The following PLXNA4 variants were observed in gnomAD, a reference collection of about 807,000 sequenced individuals.
PLXNA4 encodes the protein plexin-A4.
A neutral mutation model predicts 191.8 loss-of-function variants in PLXNA4; 44 were observed. The ratio of observed to expected loss-of-function variants is 0.23; its 90% CI spans 0.18 to 0.29. The LOEUF (loss-of-function observed/expected upper bound fraction) is 0.29. Among genes scored for constraint, PLXNA4 ranks in the 10% least tolerant of loss-of-function variants. The pLI, the probability that PLXNA4 is intolerant of heterozygous loss-of-function variation, is 1.00. For synonymous variants in PLXNA4, 1,082 were observed against 1,009.5 expected (o/e 1.07, Z -1.36); for missense variants, 1,800 against 2,488.8 (o/e 0.72, Z 5.89).
intron 2 of PLXNA4, among the ~76,000 whole-genome samples, chr7:132,495,418 T>G (rs929204832): frequency 6.6e-6 from 1 of 152,150 alleles, no homozygotes; most frequent in Non-Finnish European, 1.5e-5. Flanking sequence ...ATCCACTGTT[T>G]ACAAACATCC....
At chr7:132,572,762 G>A (rs531609232) in intron 1 of PLXNA4, among the ~76,000 whole-genome samples, 1 of 152,306 alleles carries the variant, frequency 6.6e-6, no homozygotes, top group Non-Finnish European at 1.5e-5. Context: ...GCAGCTAGAG[G>A]GGATCAGGTG....
intron 2 of PLXNA4, among the ~76,000 whole-genome samples, chr7:132,642,669 T>C (rs1803766569): frequency 6.6e-6 from 1 of 152,054 alleles, no homozygotes; most frequent in African/African-American, 2.4e-5. Context: ...CATCCCAGAG[T>C]GCAAGAAGGT....
intron 21 of PLXNA4, among the ~76,000 whole-genome samples, chr7:132,171,279 G>A (rs1163569891): frequency 3.9e-5 from 6 of 152,248 alleles, no homozygotes; most frequent in Non-Finnish European, 8.8e-5. Context: ...TTGCAAAACT[G>A]AGTTAACAAT....
intron 3 of PLXNA4, among the ~76,000 whole-genome samples, chr7:132,486,691 A>G (rs1797572518): frequency 6.6e-6 from 1 of 152,204 alleles, no homozygotes; most frequent in Non-Finnish European, 1.5e-5. Context: ...TGGAAATTAG[A>G]TAGAATATCC....
At chr7:132,246,403 T>A (rs1415700722) in intron 4 of PLXNA4, among the ~76,000 whole-genome samples, 1 of 152,232 alleles carries the variant, frequency 6.6e-6, no homozygotes, top group African/African-American at 2.4e-5. Flanking sequence ...GTTTCCTGAT[T>A]TGGAAAAATA....
intron 24 of PLXNA4, among the ~76,000 whole-genome samples, chr7:132,162,472 A>G (rs1021591851): frequency 6.6e-6 from 1 of 152,128 alleles, no homozygotes; most frequent in African/African-American, 2.4e-5. Context: ...AGGATGTTGC[A>G]ATTTGGGGAC....
At chr7:132,621,264 T>TGG (rs1563197006) in intron 2 of PLXNA4, among the ~76,000 whole-genome samples, 306 of 60,208 alleles carry the variant, frequency 5.1e-3, no homozygotes, top group Middle Eastern at 0.018. Flanking sequence ...TTTTTGGTTT[T>TGG]TTTGTTTTTT....
At chr7:132,323,727 A>AC (rs1300520472) in intron 3 of PLXNA4, among the ~76,000 whole-genome samples, 1 of 152,052 alleles carries the variant, frequency 6.6e-6, no homozygotes, top group African/African-American at 2.4e-5. Context: ...AACAATCTGA[A>AC]CCCAAGATTG....
At chr7:132,287,302 C>T (rs1320133992) in intron 4 of PLXNA4, among the ~76,000 whole-genome samples, 1 of 152,148 alleles carries the variant, frequency 6.6e-6, no homozygotes, top group Non-Finnish European at 1.5e-5. Context: ...TCCCAAAGTG[C>T]TAGGATTAAC....
Position 132,166,067 on chromosome 7 carries a change from C to T in PLXNA4, c.4287-867G>A, listed in dbSNP as rs1420979423. 5.9e-5 allele frequency among the ~76,000 whole-genome samples: 9 copies of T among 152,078 alleles called. No individual in the cohort carries two copies. In the East Asian group the frequency reaches 7.8e-4, roughly 13 times the overall value. On this transcript the variant is annotated intron_variant, in intron 22 of 31. Transcript: ENST00000321063. Reference sequence around the variant, plus strand: ...CAAAAATTAGCTGGGCGTGGTGGCACGTGCCTGTAACCCCAGCTACTTGGG... The same window carrying T: ...CAAAAATTAGCTGGGCGTGGTGGCATGTGCCTGTAACCCCAGCTACTTGGG...
chr7:132,647,372 CA>C (rs1803894673), intron 1 of PLXNA4, among the ~76,000 whole-genome samples: 1 of 151,980 alleles, frequency 6.6e-6, no homozygotes. Flanking sequence ...TACACACACA[CA>C]TGCAGTCATG....
At chr7:132,596,692 G>C (rs1046757019) in intron 2 of PLXNA4, among the ~76,000 whole-genome samples, 11 of 152,142 alleles carry the variant, frequency 7.2e-5, no homozygotes, top group African/African-American at 2.7e-4. Flanking sequence ...CTCCATGCTA[G>C]AGTCCTAGAG....
At chr7:132,384,401 C>T (rs1585062275) in intron 3 of PLXNA4, 4 of 985,578 alleles carry the variant, frequency 4.1e-6, no homozygotes, top group East Asian at 1.1e-4. Flanking sequence ...CCACTTCCTT[C>T]GCCACTCACC....
At chr7:132,531,136 C>G (rs1049743381) in intron 1 of PLXNA4, among the ~76,000 whole-genome samples, 1 of 152,164 alleles carries the variant, frequency 6.6e-6, no homozygotes, top group Non-Finnish European at 1.5e-5. Context: ...CAAAGTTCTG[C>G]AGATGGATGA....
intron 13 of PLXNA4, among the ~76,000 whole-genome samples, chr7:132,198,125 G>T (rs1797309041): frequency 1.3e-5 from 2 of 152,028 alleles, no homozygotes; most frequent in Admixed American, 1.3e-4. Flanking sequence ...GATCAGTGCT[G>T]GGGGGGATGT....
chr7:132,647,289 CCA>C (rs1167225761), intron 1 of PLXNA4, among the ~76,000 whole-genome samples: 1 of 118,048 alleles, frequency 8.5e-6, no homozygotes, highest in African/African-American at 3.2e-5. Flanking sequence ...ATTCACAAAC[CCA>C]CACTGTCATA....
At chr7:132,584,190 G>A (rs1341454623) in intron 2 of PLXNA4, among the ~76,000 whole-genome samples, 1 of 152,220 alleles carries the variant, frequency 6.6e-6, no homozygotes, top group Non-Finnish European at 1.5e-5. Flanking sequence ...CAGGGTCAGA[G>A]TAGGAGTTTC....
intron 30 of PLXNA4, among the ~76,000 whole-genome samples, chr7:132,137,135 T>C (rs962628807): frequency 1.3e-5 from 2 of 152,266 alleles, no homozygotes; most frequent in Admixed American, 6.5e-5. Context: ...CTAGACTATA[T>C]CTTGCTCCCA....
chr7:132,265,367 G>T (rs1178218561), intron 4 of PLXNA4, among the ~76,000 whole-genome samples: 1 of 152,198 alleles, frequency 6.6e-6, no homozygotes, highest in East Asian at 1.9e-4. Flanking sequence ...TAAGTACTGT[G>T]CTATATTGGT....
Sources: allele counts gnomAD v4.1 joint callset (sites outside exome capture counted in the v4.1 genomes callset), GRCh38; gene constraint gnomAD v4.1.1; transcripts MANE v1.5; gene names NCBI Gene and HGNC (gene_info 2026-07-23, HGNC 2026-07-21).